SPIDR: variants seen among roughly 807,000 people sequenced by gnomAD.
SPIDR encodes scaffold protein involved in DNA repair, also known as DNA repair-scaffolding protein.
In SPIDR, 93 loss-of-function variants were observed where a neutral mutation model predicts 104.6. The ratio of observed to expected loss-of-function variants is 0.89; its 90% confidence interval spans 0.75 to 1.06. SPIDR has a LOEUF of 1.06. Ranked by LOEUF, SPIDR falls within the 50% of genes least tolerant of loss-of-function variation. The pLI is 0.00. For synonymous variants in SPIDR, 431 were observed against 416.9 expected (o/e 1.03, Z -0.41); for missense variants, 1,154 against 1,111.2 (o/e 1.04, Z -0.55).
intron 8 of SPIDR, among the ~76,000 whole-genome samples, chr8:47,508,345 A>G (rs920090151): frequency 1.3e-5 from 2 of 152,240 alleles, no homozygotes; most frequent in Non-Finnish European, 2.9e-5. Flanking sequence ...CAGTAGCTGC[A>G]CACCAGATAA....
rs1486697423 is a variant in SPIDR at position 47,724,746 on chromosome 8, C to G, written c.2342-2454C>G. Among the ~76,000 whole-genome samples the G allele has an allele frequency of 2.0e-5, 3 of 152,218 alleles. No individual in the cohort carries two copies. The East Asian group carries it at 5.8e-4, about 29-fold the overall frequency. On this transcript the variant is annotated intron_variant, in intron 16 of 19. Coordinates refer to ENST00000297423, the MANE Select transcript of SPIDR (RefSeq NM_001080394.4). ...CTCACTGAGAGCTGGCAGCATCCCTCTGTCCATCCAGGTCTCAGTGATGGG... is the reference window on the plus strand; with the variant it reads ...CTCACTGAGAGCTGGCAGCATCCCTGTGTCCATCCAGGTCTCAGTGATGGG...
chr8:47,566,088 C>T (rs1191329723), intron 8 of SPIDR, among the ~76,000 whole-genome samples: 3 of 138,450 alleles, frequency 2.2e-5, no homozygotes, highest in African/African-American at 8.1e-5. Flanking sequence ...CTCACCACAA[C>T]CTCCGTCTCC....
intron 5 of SPIDR, among the ~76,000 whole-genome samples, chr8:47,339,717 T>C (rs1554612481): frequency 6.6e-6 from 1 of 150,658 alleles, no homozygotes. Flanking sequence ...TCTCGCACTG[T>C]CGCCTGGACT....
intron 7 of SPIDR, among the ~76,000 whole-genome samples, chr8:47,410,785 A>G (rs1554670740): frequency 6.6e-6 from 1 of 152,018 alleles, no homozygotes; most frequent in Non-Finnish European, 1.5e-5. Context: ...CATTACATAT[A>G]TCTCCTAATG....
intron 10 of SPIDR, among the ~76,000 whole-genome samples, chr8:47,668,628 T>C (rs2075332725): frequency 6.8e-6 from 1 of 146,322 alleles, no homozygotes; most frequent in African/African-American, 2.8e-5. Context: ...AAAATAAGGA[T>C]GCCCAGTCAC....
At chr8:47,391,888 C>T (rs1370241585) in intron 5 of SPIDR, among the ~76,000 whole-genome samples, 3 of 149,866 alleles carry the variant, frequency 2.0e-5, no homozygotes, top group Non-Finnish European at 4.4e-5. Context: ...CCCAGCTACT[C>T]GGGAGGCTGA....
At chr8:47,389,908 T>C (rs2060380634) in intron 5 of SPIDR, among the ~76,000 whole-genome samples, 1 of 152,102 alleles carries the variant, frequency 6.6e-6, no homozygotes, top group African/African-American at 2.4e-5. Flanking sequence ...ACCTTCTCTC[T>C]ATGGAACACA....
At chr8:47,298,637 G>A (rs1261999310) in intron 5 of SPIDR, among the ~76,000 whole-genome samples, 1 of 152,164 alleles carries the variant, frequency 6.6e-6, no homozygotes, top group African/African-American at 2.4e-5. Flanking sequence ...TGTATAAGGT[G>A]TAAGGAAGGG....
rs187802302 is a variant in SPIDR at position 47,460,743 on chromosome 8, T to G, written c.1097+20201T>G. Reference sequence around the variant, plus strand: ...GCTTTTTTAATTATTATATTTTTGTTTTATAGGTCCTGTGAGACTTATGCT... The same window carrying G: ...GCTTTTTTAATTATTATATTTTTGTGTTATAGGTCCTGTGAGACTTATGCT... On this transcript the variant is annotated intron_variant, in intron 8 of 19. Transcript: ENST00000297423. Among the ~76,000 whole-genome samples the G allele has an allele frequency of 2.0e-5, 3 of 152,290 alleles. No homozygotes were observed. In the East Asian group the frequency reaches 5.8e-4, roughly 29 times the overall value.
chr8:47,549,984 G>A (rs1353435217), intron 8 of SPIDR, among the ~76,000 whole-genome samples: 1 of 152,136 alleles, frequency 6.6e-6, no homozygotes, highest in East Asian at 1.9e-4. Context: ...TTCTACATAT[G>A]GCTAGCCAGT....
intron 8 of SPIDR, among the ~76,000 whole-genome samples, chr8:47,488,481 A>C (rs957059201): frequency 5.9e-5 from 9 of 152,224 alleles, no homozygotes; most frequent in Non-Finnish European, 1.2e-4. Flanking sequence ...AAAAAGAGGG[A>C]ATCCTCCTTA....
chr8:47,319,580 C>T (rs2046115559), intron 5 of SPIDR, among the ~76,000 whole-genome samples: 1 of 152,308 alleles, frequency 6.6e-6, no homozygotes, highest in East Asian at 1.9e-4. Context: ...GTACTCAACT[C>T]TGCACCAAGC....
intron 2 of SPIDR, among the ~76,000 whole-genome samples, chr8:47,281,516 T>G (rs2154222648): frequency 6.6e-6 from 1 of 152,360 alleles, no homozygotes; most frequent in East Asian, 1.9e-4. Context: ...TTCAACAATG[T>G]TCACAGCATT....
At chr8:47,486,294 G>C (rs1439643247) in intron 8 of SPIDR, among the ~76,000 whole-genome samples, 2 of 152,134 alleles carry the variant, frequency 1.3e-5, no homozygotes, top group African/African-American at 4.8e-5. Flanking sequence ...AACAAAAGAA[G>C]TTTAGAGAAA....
intron 5 of SPIDR, among the ~76,000 whole-genome samples, chr8:47,387,926 C>T (rs1026024154): frequency 3.3e-5 from 5 of 152,206 alleles, no homozygotes; most frequent in Admixed American, 3.3e-4. Context: ...ACAGCTTGCT[C>T]CTCACCCAAT....
intron 1 of SPIDR, among the ~76,000 whole-genome samples, chr8:47,268,750 C>T (rs1448491620): frequency 9.9e-5 from 15 of 152,070 alleles, no homozygotes; most frequent in Non-Finnish European, 1.8e-4. Context: ...GAGCCAGCCG[C>T]ACCCAGCTCC....
chr8:47,679,760 G>T (rs2076874056), intron 11 of SPIDR, among the ~76,000 whole-genome samples: 1 of 152,248 alleles, frequency 6.6e-6, no homozygotes, highest in East Asian at 1.9e-4. Flanking sequence ...GTCAGTGAAG[G>T]TGTGTCAATT....
chr8:47,503,089 G>T (rs1232254092), intron 8 of SPIDR, among the ~76,000 whole-genome samples: 1 of 152,168 alleles, frequency 6.6e-6, no homozygotes, highest in Non-Finnish European at 1.5e-5. Context: ...GGTGTGTTGT[G>T]GTGCTGAAAA....
intron 5 of SPIDR, among the ~76,000 whole-genome samples, chr8:47,342,667 G>A (rs2051015379): frequency 6.6e-6 from 1 of 151,998 alleles, no homozygotes; most frequent in South Asian, 2.1e-4. Context: ...ATTTATAAAG[G>A]TAGCTTTTAG....
Sources: gnomAD v4.1 joint callset for allele counts (sites outside exome capture counted in the v4.1 genomes callset) on GRCh38, gnomAD v4.1.1 for gene constraint, MANE v1.5 for transcripts, NCBI Gene and HGNC (gene_info 2026-07-23, HGNC 2026-07-21) for gene names.